The following CCDC169 variants were observed in gnomAD, a reference collection of about 807,000 sequenced individuals.
CCDC169 encodes coiled-coil domain containing 169.
In CCDC169, 30 loss-of-function variants were observed where a neutral mutation model predicts 36.0. That is an observed-to-expected ratio of 0.83 (90% CI 0.62 to 1.13). The LOEUF (loss-of-function observed/expected upper bound fraction) is 1.13, where lower values mean the gene tolerates loss of function less well. Ranked by LOEUF, CCDC169 falls within the 50% of genes most tolerant of loss-of-function variation. The pLI, the probability that CCDC169 is intolerant of heterozygous loss-of-function variation, is 0.00. For missense variants in CCDC169, 245 were observed against 245.9 expected (o/e 1.00, Z 0.03); for synonymous variants, 85 against 81.5 (o/e 1.04, Z -0.23).
At chr13:36,240,551 C>G in intron 7 of CCDC169, 8 of 1,154,466 alleles carry the variant, frequency 6.9e-6, no homozygotes, top group Non-Finnish European at 9.0e-6. Flanking sequence ...GGATACGCCC[C>G]TAACAATCTG....
At chr13:36,266,253 G>C (rs9547036) in intron 4 of CCDC169, among the ~76,000 whole-genome samples, 38,677 of 151,962 alleles carry the variant, frequency 0.25, 5,209 homozygotes, top group East Asian at 0.49. Flanking sequence ...GGCTTGGCAA[G>C]CAGGGGAGGA....
intron 4 of CCDC169, among the ~76,000 whole-genome samples, chr13:36,259,250 C>T (rs1874315038): frequency 6.6e-6 from 1 of 152,120 alleles, no homozygotes; most frequent in Non-Finnish European, 1.5e-5. Flanking sequence ...TCCCTGTCTC[C>T]CCCTCAGAGC....
At chr13:36,254,463 G>C (rs1335443044) in intron 4 of CCDC169, among the ~76,000 whole-genome samples, 1 of 151,708 alleles carries the variant, frequency 6.6e-6, no homozygotes, top group Admixed American at 6.6e-5. Flanking sequence ...TTTTAGTAGA[G>C]ACGTGGTTTC....
intron 4 of CCDC169, chr13:36,282,620 A>G: frequency 1.3e-6 from 1 of 762,972 alleles, no homozygotes. Context: ...CGTTGTGCTA[A>G]TATTTCTTCA....
At position 36,250,033 on chromosome 13, in the gene CCDC169, C is replaced by T. The variant is rs949418877; in HGVS notation, c.469-1351G>A. Among the ~76,000 whole-genome samples, 8 of 152,174 alleles carry T rather than the reference C, an allele frequency of 5.3e-5. No homozygotes were observed. The East Asian group carries it at 9.7e-4, about 18-fold the overall frequency. On this transcript the variant is annotated intron_variant, in intron 6 of 7. Coordinates refer to ENST00000239859, the MANE Select transcript of CCDC169 (RefSeq NM_001144981.3). The stretch of plus-strand genomic sequence containing the variant: ...TTAAGCACTCAGGTACAAAGACAAA[C>T]GGGTTATGGTTCTATCGGGGAAACA...
chr13:36,245,664 C>T (rs1872426886), intron 7 of CCDC169, among the ~76,000 whole-genome samples: 1 of 152,144 alleles, frequency 6.6e-6, no homozygotes, highest in African/African-American at 2.4e-5. Flanking sequence ...TGCACTGTCA[C>T]CTACGTTTAT....
chr13:36,254,274 ACTT>A (rs1481257881), intron 4 of CCDC169, 131 bp from the exon 5 acceptor site: 6 of 415,676 alleles, frequency 1.4e-5, no homozygotes, highest in Non-Finnish European at 2.4e-5. Flanking sequence ...TATGATATGT[ACTT>A]TTTTTTTTTT....
chr13:36,260,271 A>G (rs1874455553), intron 4 of CCDC169, among the ~76,000 whole-genome samples: 1 of 152,174 alleles, frequency 6.6e-6, no homozygotes. Context: ...TATTGTTACC[A>G]TTGTAACAAA....
chr13:36,275,090 G>T (rs1013151013), intron 4 of CCDC169, among the ~76,000 whole-genome samples: 7 of 151,800 alleles, frequency 4.6e-5, no homozygotes, highest in Admixed American at 6.6e-5. Flanking sequence ...GGATGGTCTC[G>T]ATCTATGACC....
intron 4 of CCDC169, among the ~76,000 whole-genome samples, chr13:36,260,248 T>C (rs1041491801): frequency 3.3e-5 from 5 of 152,172 alleles, no homozygotes; most frequent in South Asian, 2.1e-4. Flanking sequence ...AATTATTATA[T>C]GTGTGTTCAT....
intron 4 of CCDC169, among the ~76,000 whole-genome samples, chr13:36,282,035 C>T (rs1055647137): frequency 3.9e-5 from 6 of 152,200 alleles, no homozygotes; most frequent in African/African-American, 7.2e-5. Flanking sequence ...TAGTCAACAA[C>T]GAGTGCCCAT....
intron 2 of CCDC169, among the ~76,000 whole-genome samples, chr13:36,288,094 C>T (rs1187555238): frequency 1.3e-5 from 2 of 151,982 alleles, no homozygotes; most frequent in African/African-American, 2.4e-5. Context: ...CTGCAAGCTC[C>T]ACCTCCCTGA....
intron 7 of CCDC169, chr13:36,240,521 T>TA (rs1594003000): frequency 2.4e-6 from 2 of 848,266 alleles, no homozygotes; most frequent in African/African-American, 1.8e-5. Context: ...AGCTGCTTTT[T>TA]AAAAAAATCA....
intron 2 of CCDC169, among the ~76,000 whole-genome samples, chr13:36,290,637 T>C (rs1878763658): frequency 6.6e-6 from 1 of 152,194 alleles, no homozygotes; most frequent in Admixed American, 6.5e-5. Flanking sequence ...TGCTTGTGTT[T>C]TGTACAGCTA....
intron 4 of CCDC169, among the ~76,000 whole-genome samples, chr13:36,271,602 T>C (rs1876070443): frequency 6.6e-6 from 1 of 152,162 alleles, no homozygotes; most frequent in Admixed American, 6.5e-5. Flanking sequence ...ATAATGTCTT[T>C]TGCAGTAACT....
intron 7 of CCDC169, among the ~76,000 whole-genome samples, chr13:36,232,023 A>C (rs1870491534): frequency 6.6e-6 from 1 of 152,224 alleles, no homozygotes; most frequent in Non-Finnish European, 1.5e-5. Context: ...AACCCTGGAA[A>C]TTAACGAAAG....
At chr13:36,239,148 G>A (rs1384723668) in intron 7 of CCDC169, among the ~76,000 whole-genome samples, 1 of 151,948 alleles carries the variant, frequency 6.6e-6, no homozygotes, top group Non-Finnish European at 1.5e-5. Context: ...TGAGGCAGGG[G>A]GATCTCTTGA....
chr13:36,222,679 T>C (rs1344496758), downstream of CCDC169: 4 of 152,198 alleles, frequency 2.6e-5, no homozygotes, highest in African/African-American at 7.2e-5. Flanking sequence ...TAACTGCCTA[T>C]AAGAATAAAT....
At chr13:36,295,972 T>A in intron 1 of CCDC169, 115 bp from the exon 2 acceptor site, 1 of 610,504 alleles carries the variant, frequency 1.6e-6, no homozygotes, top group Non-Finnish European at 2.8e-6. Flanking sequence ...CATTATTTAC[T>A]GAAGGACTGG....
Sources: gnomAD v4.1 joint callset for allele counts (sites outside exome capture counted in the v4.1 genomes callset) on GRCh38, gnomAD v4.1.1 for gene constraint, MANE v1.5 for transcripts, NCBI Gene and HGNC (gene_info 2026-07-23, HGNC 2026-07-21) for gene names.